Variants in PRICKLE1 observed in about 807,000 individuals in gnomAD.
PRICKLE1 encodes prickle planar cell polarity protein 1.
PRICKLE1 carries 14 observed loss-of-function variants against 70.2 expected under a neutral mutation model. The ratio of observed to expected loss-of-function variants is 0.20; its 90% confidence interval spans 0.13 to 0.31. The LOEUF is 0.31. Among genes scored for constraint, PRICKLE1 ranks in the 10% least tolerant of loss-of-function variants. PRICKLE1 has a pLI of 1.00. For missense variants in PRICKLE1, 821 were observed against 1,026.2 expected, an observed-to-expected ratio of 0.80 and a Z score of 2.73; for synonymous variants, 357 against 379.9, an observed-to-expected ratio of 0.94 and a Z score of 0.70.
At chr12:42,526,965 G>C (rs991283312) in intron 1 of PRICKLE1, among the ~76,000 whole-genome samples, 3 of 152,074 alleles carry the variant, frequency 2.0e-5, no homozygotes, top group Admixed American at 2.0e-4. Context: ...GTGACGGTGA[G>C]TGGGGCTTGT....
Position 42,459,580 on chromosome 12 carries a change from C to T in PRICKLE1, c.*229G>A, listed in dbSNP as rs934526849. ...ACGTCCATCTGTAACGCACCCGCAC[C>T]GGACAGGCACGAGATGTCACGTCCA... is the stretch of plus-strand genomic sequence containing the variant. On this transcript the variant is annotated 3_prime_UTR_variant, in exon 8 of 8. Transcript: ENST00000345127. 2.4e-5 allele frequency: 15 copies of T among 632,406 alleles called. No homozygotes were observed. The highest frequency in any genetic ancestry group is 7.6e-5 in the South Asian group (4 of 52,666). 39.2% of individuals were successfully genotyped at this position (632,406 alleles called of 1,614,324 possible).
intron 3 of PRICKLE1, 78 bp downstream of exon 3, chr12:42,470,168 G>A (rs1474930514): frequency 4.7e-6 from 5 of 1,067,068 alleles, no homozygotes; most frequent in Non-Finnish European, 7.3e-6. Flanking sequence ...GAGGAGTTGG[G>A]GTTTATGAGC....
rs192835052 is a variant in PRICKLE1, at chr12:42,463,535, T to C, written c.1639+860A>G. 9 of 151,994 alleles carry C rather than the reference T, an allele frequency of 5.9e-5. No individual in the cohort carries two copies. In the East Asian group the frequency reaches 1.4e-3, roughly 23 times the overall value. 9.4% of individuals were successfully genotyped at this position (151,994 alleles called of 1,614,324 possible). A position where few individuals can be genotyped will look rare whatever the true frequency, so the allele number is the denominator to read the frequency against. ...AGGAGTTCGAGACCAGCCTGGCCAA[T>C]ATGGCGAAACCCCATCTCTACTAAA... is the stretch of plus-strand genomic sequence containing the variant. On this transcript the variant is annotated intron_variant, in intron 7 of 7. Coordinates refer to ENST00000345127, the MANE Select transcript of PRICKLE1 (RefSeq NM_153026.3).
chr12:42,472,631 A>C lies in PRICKLE1; in HGVS notation c.-48-67T>G, dbSNP rs1938371434. 3 of 1,347,670 alleles carry C rather than the reference A, an allele frequency of 2.2e-6. No homozygotes were observed. In the Admixed American group the frequency reaches 5.5e-5, roughly 25 times the overall value. 83.5% of individuals were successfully genotyped at this position (1,347,670 alleles called of 1,614,324 possible). A position where few individuals can be genotyped will look rare whatever the true frequency, so the allele number is the denominator to read the frequency against. ...AATGCATTTCTCTTACCCCCGACCC[A>C]GAGCTTTTATTGAATGCTGTTAACA... On this transcript the variant is annotated intron_variant, in intron 1 of 7. Coordinates refer to ENST00000345127, the MANE Select transcript of PRICKLE1 (RefSeq NM_153026.3).
intron 7 of PRICKLE1, among the ~76,000 whole-genome samples, chr12:42,462,000 G>A (rs868139247): frequency 3.8e-4 from 57 of 151,606 alleles, no homozygotes; most frequent in African/African-American, 1.3e-3. Context: ...GGGTTTCACT[G>A]TGTTAGCCAG....
At chr12:42,470,472 T>C (rs540147832) in intron 2 of PRICKLE1, 113 bp from the exon 3 acceptor site, 203 of 756,044 alleles carry the variant, frequency 2.7e-4, no homozygotes, top group East Asian at 3.9e-4. Flanking sequence ...TTGTAGCTAA[T>C]GAGAAGACCA....
intron 1 of PRICKLE1, among the ~76,000 whole-genome samples, chr12:42,514,906 T>TATCA (rs1485849165): frequency 3.6e-5 from 4 of 111,530 alleles, no homozygotes; most frequent in African/African-American, 1.0e-4. Flanking sequence ...TCTATCTATC[T>TATCA]ATCTATCTAT....
Position 42,460,039 on chromosome 12 carries a change from C to T in PRICKLE1, c.2266G>A (p.Gly756Ser), listed in dbSNP as rs777019107. 2.5e-6 allele frequency: 4 copies of T among 1,613,884 alleles called. No homozygotes were observed. The highest frequency in any genetic ancestry group is 1.7e-6 in the Non-Finnish European group (2 of 1,180,014). The change falls in exon 8 of 8, where the codon GGC becomes AGC. Residue 756 changes from glycine (G) to serine (S), a missense_variant. By Grantham distance (56) the Gly-to-Ser change is moderately conservative. Transcript: ENST00000345127. Reference protein sequence around the residue: ...PGMNRFLGLYGEDDDSWCSSS... With the variant: ...PGMNRFLGLYSEDDDSWCSSS... ...GAACACCAGGAATCATCATCCTCGC[C>T]GTAGAGTCCCAGAAACCGATTCATT...
At chr12:42,572,840 A>AT (rs1435851546) in intron 1 of PRICKLE1, among the ~76,000 whole-genome samples, 1 of 152,124 alleles carries the variant, frequency 6.6e-6, no homozygotes. Flanking sequence ...AGGAAAAAAA[A>AT]TTTTAATAAA....
At chr12:42,583,587 C>A (rs1940939582) in intron 1 of PRICKLE1, among the ~76,000 whole-genome samples, 1 of 152,208 alleles carries the variant, frequency 6.6e-6, no homozygotes, top group Admixed American at 6.5e-5. Context: ...CACCTAACCT[C>A]CAGGATCTCA....
intron 1 of PRICKLE1, among the ~76,000 whole-genome samples, chr12:42,501,153 G>T (rs1939298557): frequency 1.3e-5 from 2 of 152,106 alleles, no homozygotes; most frequent in Non-Finnish European, 2.9e-5. Context: ...TTTTTTGAAA[G>T]AATCCAATGA....
At position 42,479,090 on chromosome 12, in the gene PRICKLE1, T is replaced by G. The variant is rs142132877; in HGVS notation, c.-48-6526A>C. On this transcript the variant is annotated intron_variant, in intron 1 of 7. Transcript: ENST00000345127. ...TTGCCTTCCAAAGATGGTCTAAGGA[T>G]GTTTTAAAACAGAAAAGAATTTCAC... 1.8e-3 allele frequency among the ~76,000 whole-genome samples: 268 copies of G among 152,344 alleles called. 1 individual carries two copies. Among genetic ancestry groups the G allele is most frequent in the African/African-American group, 6.3e-3 (262 of 41,586 alleles).
At chr12:42,536,937 T>G (rs1234210918) in intron 1 of PRICKLE1, among the ~76,000 whole-genome samples, 2 of 152,194 alleles carry the variant, frequency 1.3e-5, no homozygotes, top group Admixed American at 1.3e-4. Context: ...GTATACATAT[T>G]ATAATTAGCA....
At chr12:42,476,824 G>T (rs1045162650) in intron 1 of PRICKLE1, among the ~76,000 whole-genome samples, 3 of 150,550 alleles carry the variant, frequency 2.0e-5, no homozygotes, top group African/African-American at 7.3e-5. Flanking sequence ...TTTTGTTTTT[G>T]TTTTTTGTAG....
intron 1 of PRICKLE1, among the ~76,000 whole-genome samples, chr12:42,579,653 A>T (rs777711413): frequency 2.0e-5 from 3 of 152,220 alleles, no homozygotes; most frequent in Non-Finnish European, 4.4e-5. Flanking sequence ...AGAAGGTGCT[A>T]AAGCTAGCTG....
intron 1 of PRICKLE1, among the ~76,000 whole-genome samples, chr12:42,559,770 CT>C (rs1940475390): frequency 6.6e-6 from 1 of 151,356 alleles, no homozygotes; most frequent in African/African-American, 2.4e-5. Context: ...GGTCTGGTCT[CT>C]CTTAAATACA....
intron 1 of PRICKLE1, among the ~76,000 whole-genome samples, chr12:42,559,313 T>A (rs1592028151): frequency 6.6e-6 from 1 of 152,146 alleles, no homozygotes; most frequent in East Asian, 1.9e-4. Context: ...CTAATTAACA[T>A]GTACCAAAGT....
intron 1 of PRICKLE1, among the ~76,000 whole-genome samples, chr12:42,529,469 T>C (rs1939869822): frequency 6.6e-6 from 1 of 152,274 alleles, no homozygotes; most frequent in African/African-American, 2.4e-5. Context: ...TATGCTTTGC[T>C]ATTGTTTATA....
intron 1 of PRICKLE1, among the ~76,000 whole-genome samples, chr12:42,534,851 T>C (rs540124342): frequency 1.3e-5 from 2 of 152,318 alleles, no homozygotes; most frequent in African/African-American, 4.8e-5. Flanking sequence ...AAAATACAAA[T>C]CATTCTTGTC....
Sources: gnomAD v4.1 joint callset for allele counts (sites outside exome capture counted in the v4.1 genomes callset) on GRCh38, gnomAD v4.1.1 for gene constraint, MANE v1.5 for transcripts, NCBI Gene and HGNC (gene_info 2026-07-23, HGNC 2026-07-21) for gene names.